MACF1: variants seen among roughly 807,000 people sequenced by gnomAD.
The protein encoded by MACF1 is microtubule actin crosslinking factor 1.
Under a neutral mutation model 854.8 loss-of-function variants are expected in MACF1, and 193 were observed. The ratio of observed to expected loss-of-function variants is 0.23; its 90% CI spans 0.20 to 0.25. The LOEUF (loss-of-function observed/expected upper bound fraction) is 0.25. Ranked by LOEUF, MACF1 falls within the 10% of genes least tolerant of loss-of-function variation. The pLI is 1.00. For synonymous variants in MACF1, 3,185 were observed against 3,226.7 expected, an observed-to-expected ratio of 0.99 and a Z score of 0.44; for missense variants, 7,722 against 8,929.1, an observed-to-expected ratio of 0.86 and a Z score of 5.45.
intron 2 of MACF1, among the ~76,000 whole-genome samples, chr1:39,100,924 G>A (rs1337285363): frequency 6.6e-6 from 1 of 152,106 alleles, no homozygotes; most frequent in African/African-American, 2.4e-5. Flanking sequence ...GCGTGTGTGT[G>A]TGTGTGTATG....
chr1:39,095,610 G>C (rs1641918170), intron 2 of MACF1, among the ~76,000 whole-genome samples: 1 of 150,610 alleles, frequency 6.6e-6, no homozygotes, highest in African/African-American at 2.5e-5. Context: ...GCTGAGAGTG[G>C]TGGCTCACAC....
At chr1:39,291,279 C>T (rs1019539198) in intron 15 of MACF1, among the ~76,000 whole-genome samples, 5 of 152,292 alleles carry the variant, frequency 3.3e-5, no homozygotes, top group African/African-American at 7.2e-5. Flanking sequence ...GCCTGGCAAT[C>T]GTAACTCTTA....
rs1641878904 is a variant in MACF1 at position 39,388,298 on chromosome 1, T to C, written c.15456T>C (p.Thr5152=). 2 of 1,614,088 alleles carry C rather than the reference T, an allele frequency of 1.2e-6. No homozygotes were observed. Among genetic ancestry groups the C allele is most frequent in the South Asian group, 1.1e-5 (1 of 91,086 alleles). Reference sequence around the variant, plus strand: ...GCATGGGTGCTATTGGCAGAGACACTGATAGCCTCCAGTCCCAAATCGAGG... The same window carrying C: ...GCATGGGTGCTATTGGCAGAGACACCGATAGCCTCCAGTCCCAAATCGAGG... ...LDGMGAIGRD[T]DSLQSQIEDV... The change falls in exon 58 of 101, where the codon ACT becomes ACC. Residue 5152 remains threonine (T), a synonymous_variant. Coordinates refer to ENST00000564288, the MANE Select transcript of MACF1 (RefSeq NM_001394062.1).
intron 44 of MACF1, among the ~76,000 whole-genome samples, chr1:39,354,856 T>G (rs934122861): frequency 6.6e-6 from 1 of 152,368 alleles, no homozygotes. Flanking sequence ...TCTTACTGTT[T>G]ATTTCTACTC....
chr1:39,184,923 G>A (rs1312676088), intron 2 of MACF1, among the ~76,000 whole-genome samples: 1 of 152,082 alleles, frequency 6.6e-6, no homozygotes, highest in Non-Finnish European at 1.5e-5. Context: ...ATCTGAAGAT[G>A]GCCTGGAAAA....
chr1:39,432,699 T>A (rs748689079), intron 67 of MACF1, 45 bp downstream of exon 67: 1 of 1,585,780 alleles, frequency 6.3e-7, no homozygotes. Flanking sequence ...ATCAGTAACT[T>A]AGAGTGACTA....
Position 39,353,150 on chromosome 1 carries a change from A to G in MACF1, c.11343A>G (p.Lys3781=). 3 of 1,614,184 alleles carry G rather than the reference A, an allele frequency of 1.9e-6. No individual in the cohort carries two copies. Among genetic ancestry groups the G allele is most frequent in the South Asian group, 1.1e-5 (1 of 91,082 alleles). Reference sequence around the variant, plus strand: ...AGCTCTCGGGAGCTAGCTTGGAGAAAGGAGCCTTGGACACCACTGATGGTT... The same window carrying G: ...AGCTCTCGGGAGCTAGCTTGGAGAAGGGAGCCTTGGACACCACTGATGGTT... ...MEQLSGASLE[K]GALDTTDGYM... The change falls in exon 44 of 101, where the codon AAA becomes AAG. Residue 3781 remains lysine (K), a synonymous_variant. Transcript: ENST00000564288.
At chr1:39,422,311 C>CT in intron 58 of MACF1, 63 bp from the exon 59 acceptor site, 1 of 1,331,346 alleles carries the variant, frequency 7.5e-7, no homozygotes, top group South Asian at 1.5e-5. Flanking sequence ...TAACCAGTCT[C>CT]TGCGTGGTAT....
At chr1:39,318,885 T>A (rs925976225) in intron 30 of MACF1, among the ~76,000 whole-genome samples, 10 of 152,150 alleles carry the variant, frequency 6.6e-5, no homozygotes, top group Admixed American at 3.3e-4. Flanking sequence ...TGTTTTTTTT[T>A]ATATTACATT....
At chr1:39,365,857 GC>G (rs1370749946) in intron 49 of MACF1, among the ~76,000 whole-genome samples, 1 of 151,890 alleles carries the variant, frequency 6.6e-6, no homozygotes, top group Non-Finnish European at 1.5e-5. Flanking sequence ...TGTATTTTTA[GC>G]AGAGACGGGG....
chr1:39,201,563 A>G (rs1352372007), upstream of MACF1, among the ~76,000 whole-genome samples: 1 of 152,118 alleles, frequency 6.6e-6, no homozygotes, highest in African/African-American at 2.4e-5. Context: ...TGTGTTAGTC[A>G]GGATGGTCTC....
chr1:39,119,145 C>T (rs1359373164), intron 2 of MACF1, among the ~76,000 whole-genome samples: 3 of 151,878 alleles, frequency 2.0e-5, no homozygotes, highest in Non-Finnish European at 4.4e-5. Flanking sequence ...ATGGAGAAAC[C>T]CCGTCTGTAC....
intron 97 of MACF1, among the ~76,000 whole-genome samples, chr1:39,473,420 T>G (rs1169575180): frequency 6.6e-6 from 1 of 152,240 alleles, no homozygotes; most frequent in Non-Finnish European, 1.5e-5. Flanking sequence ...CTATTCTATC[T>G]GCTCTTTTAA....
intron 2 of MACF1, among the ~76,000 whole-genome samples, chr1:39,145,993 C>T (rs1430250777): frequency 6.6e-6 from 1 of 152,104 alleles, no homozygotes; most frequent in Non-Finnish European, 1.5e-5. Context: ...AATAGAGCTA[C>T]CATACAGTCC....
intron 6 of MACF1, among the ~76,000 whole-genome samples, chr1:39,269,893 T>C (rs906631777): frequency 6.6e-6 from 1 of 152,206 alleles, no homozygotes; most frequent in African/African-American, 2.4e-5. Flanking sequence ...GGTCTGCCCC[T>C]TGATGCTTGA....
At position 39,105,302 on chromosome 1, in the gene MACF1, T is replaced by C; in HGVS notation, c.220+20864T>C. On this transcript the variant is annotated intron_variant, in intron 2 of 93. Coordinates refer to the MACF1 transcript ENST00000361689. The surrounding 1 kb of genome is among the most constrained non-coding windows in gnomAD (Gnocchi z 5.9). ...GAGGGGGCGGGGAACGGGCCGGGCC[T>C]GGCGCTCCTGACAGGAGGAGCCGCC... The C allele has an allele frequency of 6.2e-6, 4 of 642,126 alleles. No homozygotes were observed. Among genetic ancestry groups the C allele is most frequent in the Non-Finnish European group, 7.7e-6 (4 of 517,584 alleles). 39.8% of individuals were successfully genotyped at this position (642,126 alleles called of 1,614,324 possible).
At chr1:39,406,728 G>A (rs1169101898) in intron 58 of MACF1, among the ~76,000 whole-genome samples, 1 of 61,722 alleles carries the variant, frequency 1.6e-5, no homozygotes, top group Non-Finnish European at 2.6e-5. Context: ...GAGTGAGACA[G>A]AGTCTCACTC....
chr1:39,445,422 A>G (rs1644206791), intron 80 of MACF1, among the ~76,000 whole-genome samples: 1 of 152,206 alleles, frequency 6.6e-6, no homozygotes, highest in Non-Finnish European at 1.5e-5. Flanking sequence ...TGAAATATAT[A>G]CATACACAAA....
chr1:39,341,068 C>T (rs1178679419), intron 40 of MACF1, 115 bp downstream of exon 40: 8 of 950,324 alleles, frequency 8.4e-6, no homozygotes, highest in African/African-American at 1.7e-5. Flanking sequence ...GAGTCTTGCT[C>T]TGTCACCCAA....
Sources: allele counts gnomAD v4.1 joint callset (sites outside exome capture counted in the v4.1 genomes callset), GRCh38; gene constraint gnomAD v4.1.1; non-coding constraint Gnocchi (gnomAD v3.1); transcripts MANE v1.5; gene names NCBI Gene and HGNC (gene_info 2026-07-23, HGNC 2026-07-21).